UNC93A: variants seen among roughly 807,000 people sequenced by gnomAD.
The protein encoded by UNC93A is unc-93 homolog A.
UNC93A carries 43 observed loss-of-function variants against 47.5 expected under a neutral mutation model. That is an observed-to-expected ratio of 0.91 (90% CI 0.71 to 1.17). UNC93A has a LOEUF of 1.17. Ranked by LOEUF, UNC93A falls within the 50% of genes most tolerant of loss-of-function variation. The pLI is 0.00. For synonymous variants in UNC93A, 280 were observed against 258.0 expected (o/e 1.09, Z -0.82); for missense variants, 605 against 577.6 (o/e 1.05, Z -0.49).
rs535666328 is a variant in UNC93A, at chr6:167,275,325, T to A, written c.-52+3867T>A. Among the ~76,000 whole-genome samples, 14 of 152,314 alleles carry A rather than the reference T, an allele frequency of 9.2e-5. 1 individual carries two copies. The South Asian group carries it at 2.7e-3, about 29-fold the overall frequency. On this transcript the variant is annotated intron_variant, in intron 1 of 3. Coordinates refer to the UNC93A transcript ENST00000503433. ...ACAGTGAGGCAGGTGGCTTCCTCAG[T>A]GGCGTTTGGCAACGTGGCTTTCTAT...
At chr6:167,301,210 C>A (rs1778231799) in intron 4 of UNC93A, among the ~76,000 whole-genome samples, 2 of 152,238 alleles carry the variant, frequency 1.3e-5, no homozygotes, top group African/African-American at 2.4e-5. Context: ...GTCTGTGGAA[C>A]CTCCCCTGCA....
At chr6:167,288,081 C>A (rs1473634289), upstream of UNC93A, among the ~76,000 whole-genome samples, 3 of 152,182 alleles carry the variant, frequency 2.0e-5, no homozygotes, top group Non-Finnish European at 4.4e-5. Flanking sequence ...TCACCAGCAG[C>A]TTTAACCACA....
At chr6:167,312,121 G>A (rs1027676821) in intron 7 of UNC93A, among the ~76,000 whole-genome samples, 11 of 152,136 alleles carry the variant, frequency 7.2e-5, no homozygotes. Flanking sequence ...ACCGTAGTCT[G>A]TAGGCTGTTC....
chr6:167,294,834 C>A (rs926107699), intron 2 of UNC93A, 136 bp downstream of exon 2: 2 of 956,380 alleles, frequency 2.1e-6, no homozygotes, highest in Non-Finnish European at 3.0e-6. Flanking sequence ...CCTGCCCCTG[C>A]ACCCCCGCCT....
chr6:167,272,470 G>A (rs1783465369), intron 1 of UNC93A, among the ~76,000 whole-genome samples: 1 of 152,238 alleles, frequency 6.6e-6, no homozygotes, highest in Non-Finnish European at 1.5e-5. Context: ...TTTATTCTGA[G>A]CTGAGTATGA....
intron 5 of UNC93A, 88 bp downstream of exon 5, chr6:167,304,221 C>CACCT: frequency 1.4e-6 from 2 of 1,421,622 alleles, no homozygotes; most frequent in South Asian, 2.4e-5. Flanking sequence ...CGCAGAGTGT[C>CACCT]TCAGGCCACC....
rs972572960 is a variant in UNC93A, at chr6:167,307,898, A to G, written c.1096A>G (p.Thr366Ala). Reference sequence around the variant, plus strand: ...GGGCGTGGCAGATGCCGTCTGGCAGACACAAAACAATGGTGAGTCCCCAGC... The same window carrying G: ...GGGCGTGGCAGATGCCGTCTGGCAGGCACAAAACAATGGTGAGTCCCCAGC... ...LWGVADAVWQ[T>A]QNNALYGVLF... Residue 366 changes from threonine to alanine, a missense_variant, in exon 7 of 8, where the codon ACA (threonine) becomes GCA (alanine). Thr to Ala is a moderately conservative substitution (Grantham distance 58, BLOSUM62 0). Coordinates refer to ENST00000230256, the MANE Select transcript of UNC93A (RefSeq NM_018974.4). 3.1e-6 allele frequency: 5 copies of G among 1,613,590 alleles called. No individual in the cohort carries two copies. In the African/African-American group the frequency reaches 6.7e-5, roughly 22 times the overall value.
chr6:167,300,712 C>G (rs1229980698), intron 4 of UNC93A, among the ~76,000 whole-genome samples: 1 of 152,100 alleles, frequency 6.6e-6, no homozygotes, highest in African/African-American at 2.4e-5. Flanking sequence ...CAGGGACCAG[C>G]CAGGCCTGTG....
At chr6:167,284,173 G>A (rs1426167558) in intron 1 of UNC93A, among the ~76,000 whole-genome samples, 2 of 151,884 alleles carry the variant, frequency 1.3e-5, no homozygotes, top group Non-Finnish European at 2.9e-5. Flanking sequence ...AAACACTAGG[G>A]ATGGGGCAGA....
At chr6:167,287,416 A>G (rs1200051197), upstream of UNC93A, among the ~76,000 whole-genome samples, 1 of 152,110 alleles carries the variant, frequency 6.6e-6, no homozygotes, top group Non-Finnish European at 1.5e-5. Context: ...TAGTTTTGGG[A>G]TCGCACTTCT....
rs545604887 is a variant in UNC93A at position 167,271,644 on chromosome 6, C to T, written c.-52+186C>T. Reference sequence around the variant, plus strand: ...AGGAAAAGTTTCCTTTTCCTTCTACCCATCCTAGGTTCTCTGGCTGAGGTC... The same window carrying T: ...AGGAAAAGTTTCCTTTTCCTTCTACTCATCCTAGGTTCTCTGGCTGAGGTC... On this transcript the variant is annotated intron_variant, in intron 1 of 3. Coordinates refer to the UNC93A transcript ENST00000503433. Among the ~76,000 whole-genome samples the T allele has an allele frequency of 1.6e-4, 24 of 152,206 alleles. No homozygotes were observed. The South Asian group carries it at 4.8e-3, about 30-fold the overall frequency.
At chr6:167,280,247 T>G (rs2346172) in intron 1 of UNC93A, among the ~76,000 whole-genome samples, 2 of 152,138 alleles carry the variant, frequency 1.3e-5, no homozygotes, top group Middle Eastern at 3.4e-3. Context: ...CCCTGCAGGC[T>G]CCCCGTGAGC....
chr6:167,315,319 T>G lies in UNC93A; in HGVS notation c.1241T>G (p.Leu414Arg), dbSNP rs1338576242. The change falls in exon 8 of 8, where the codon CTG becomes CGG. Residue 414 changes from leucine (L) to arginine (R), a missense_variant. Transcript: ENST00000230256. The part of the protein sequence containing the change: ...FLCVHVKLYI[L>R]LGVLSLTMVA... ...TGCGTGCACGTCAAGCTCTACATTC[T>G]GCTGGGGGTCCTGAGCCTGACCATG... 1 of 1,613,944 alleles carries G rather than the reference T, an allele frequency of 6.2e-7. No homozygotes were observed.
intron 1 of UNC93A, among the ~76,000 whole-genome samples, chr6:167,285,974 A>T (rs796979750): frequency 1.7e-4 from 25 of 148,198 alleles, no homozygotes; most frequent in Admixed American, 8.2e-4. Flanking sequence ...ATATATATAT[A>T]TATATACACA....
chr6:167,291,448 A>G lies in UNC93A; in HGVS notation c.-42A>G, dbSNP rs1322979997. The G allele has an allele frequency of 6.3e-7, 1 of 1,590,004 alleles. No homozygotes were observed. The highest frequency in any genetic ancestry group is 8.6e-7 in the Non-Finnish European group (1 of 1,165,002). On this transcript the variant is annotated 5_prime_UTR_variant, in exon 1 of 8. Transcript: ENST00000230256. The stretch of plus-strand genomic sequence containing the variant: ...AATTGGTTTCTTTTAGGGAGCTACA[A>G]ATTTACGTGTTCACTGGTGATTGAT...
chr6:167,280,406 GCA>G (rs1223211217), intron 1 of UNC93A, among the ~76,000 whole-genome samples: 2 of 152,252 alleles, frequency 1.3e-5, no homozygotes, highest in Non-Finnish European at 2.9e-5. Context: ...TAAGGAATAG[GCA>G]CCCTTCATCT....
chr6:167,289,853 G>A (rs1252134733), upstream of UNC93A, among the ~76,000 whole-genome samples: 1 of 151,936 alleles, frequency 6.6e-6, no homozygotes, highest in Admixed American at 6.6e-5. Context: ...TCGATAACAC[G>A]GTTAGTATGA....
At chr6:167,307,223 C>T (rs1229844394) in intron 6 of UNC93A, among the ~76,000 whole-genome samples, 2 of 152,212 alleles carry the variant, frequency 1.3e-5, no homozygotes, top group Admixed American at 6.5e-5. Context: ...GATGCCAGAC[C>T]ACACCCAAGG....
intron 2 of UNC93A, 92 bp from the exon 3 acceptor site, chr6:167,295,940 C>T: frequency 1.6e-6 from 2 of 1,237,934 alleles, no homozygotes; most frequent in Non-Finnish European, 2.3e-6. Flanking sequence ...GCGGTGGTTC[C>T]TTCTCCCAGA....
Sources: allele counts gnomAD v4.1 joint callset (sites outside exome capture counted in the v4.1 genomes callset), GRCh38; gene constraint gnomAD v4.1.1; transcripts MANE v1.5; gene names NCBI Gene and HGNC (gene_info 2026-07-23, HGNC 2026-07-21).